EP300: variants seen among roughly 807,000 people sequenced by gnomAD.
EP300 encodes the protein histone acetyltransferase p300.
EP300 carries 31 observed loss-of-function variants against 264.0 expected under a neutral mutation model. That is an observed-to-expected ratio of 0.12 (90% confidence interval 0.09 to 0.16). The LOEUF is 0.16. Ranked by LOEUF, EP300 falls within the 10% of genes least tolerant of loss-of-function variation. The pLI is 1.00. For synonymous variants in EP300, 1,340 were observed against 1,045.4 expected, an observed-to-expected ratio of 1.28 and a Z score of -5.44; for missense variants, 2,766 against 3,052.9, an observed-to-expected ratio of 0.91 and a Z score of 2.21.
At chr22:41,095,608 C>T (rs2058698056) in intron 1 of EP300, among the ~76,000 whole-genome samples, 1 of 151,720 alleles carries the variant, frequency 6.6e-6, no homozygotes, top group Admixed American at 6.6e-5. Flanking sequence ...TTATTGGAGG[C>T]ACATCACCTC....
At chr22:41,119,004 C>CTT (rs972813377) in intron 2 of EP300, among the ~76,000 whole-genome samples, 2,168 of 130,928 alleles carry the variant, frequency 0.017, 60 homozygotes, top group African/African-American at 0.049. Flanking sequence ...CCCCCGCCAC[C>CTT]TTTTTTTTTT....
chr22:41,165,861 C>T (rs771634880), intron 22 of EP300, among the ~76,000 whole-genome samples: 16 of 152,290 alleles, frequency 1.1e-4, no homozygotes, highest in Middle Eastern at 3.4e-3. Flanking sequence ...CCTCCACCTC[C>T]TGGGTTCAGG....
chr22:41,139,054 A>T (rs1164343366), intron 8 of EP300, among the ~76,000 whole-genome samples: 5 of 151,998 alleles, frequency 3.3e-5, no homozygotes, highest in African/African-American at 1.2e-4. Context: ...CCTGGGTTCA[A>T]GCGTTTCTCC....
chr22:41,138,906 C>T (rs2145723847), intron 8 of EP300, among the ~76,000 whole-genome samples: 1 of 152,010 alleles, frequency 6.6e-6, no homozygotes, highest in East Asian at 1.9e-4. Context: ...TTTTTCCTCC[C>T]ACGAACCCAT....
intron 23 of EP300, among the ~76,000 whole-genome samples, chr22:41,167,576 GTGTGTGTGTATATATATATATATATA>G (rs1289485832): frequency 2.7e-4 from 8 of 29,536 alleles, no homozygotes; most frequent in African/African-American, 1.0e-3. Flanking sequence ...GTGTGTGTGT[GTGTGTGTGTATATATATATATATATA>G]TATATATATA....
intron 1 of EP300, among the ~76,000 whole-genome samples, chr22:41,111,778 G>A (rs2058791852): frequency 6.6e-6 from 1 of 151,326 alleles, no homozygotes; most frequent in Non-Finnish European, 1.5e-5. Flanking sequence ...GACCTCAGGT[G>A]AACGCCTGCC....
chr22:41,131,366 C>G, intron 5 of EP300, 22 bp from the exon 6 acceptor site: 7 of 1,611,936 alleles, frequency 4.3e-6, no homozygotes, highest in Non-Finnish European at 5.1e-6. Flanking sequence ...ATTTGTAATA[C>G]TATATCTTTT....
chr22:41,146,521 TAAAGG>T, intron 10 of EP300: 1 of 567,244 alleles, frequency 1.8e-6, no homozygotes, highest in South Asian at 2.0e-5. Context: ...CCCGGGCTCA[TAAAGG>T]AATACCAACA....
chr22:41,164,041 C>T lies in EP300; in HGVS notation c.3729-12C>T. The stretch of plus-strand genomic sequence containing the variant: ...TTTGGGGTTAATTTTGGAATTGGCT[C>T]TGCTCTTCCAGGTTTGTTGAATGTA... On this transcript the variant is annotated splice_polypyrimidine_tract_variant and intron_variant, in intron 21 of 30. Transcript: ENST00000263253. 6.2e-7 allele frequency: 1 copy of T among 1,613,738 alleles called. No homozygotes were observed. The highest frequency in any genetic ancestry group is 1.3e-5 in the African/African-American group (1 of 75,050).
At chr22:41,097,891 T>G (rs1285036565) in intron 1 of EP300, among the ~76,000 whole-genome samples, 3 of 152,078 alleles carry the variant, frequency 2.0e-5, no homozygotes, top group Non-Finnish European at 4.4e-5. Flanking sequence ...AGACGGGGTT[T>G]CACCATGTTG....
intron 2 of EP300, 92 bp from the exon 3 acceptor site, chr22:41,125,772 G>T: frequency 7.3e-7 from 1 of 1,375,476 alleles, no homozygotes; most frequent in South Asian, 1.3e-5. Context: ...CTTTGAAACT[G>T]TCTTTGTGAA....
chr22:41,156,521 G>A (rs906051869), intron 17 of EP300, among the ~76,000 whole-genome samples: 1 of 152,046 alleles, frequency 6.6e-6, no homozygotes, highest in Non-Finnish European at 1.5e-5. Context: ...AGGAGTTGGA[G>A]ACCAGCCTCA....
intron 2 of EP300, 128 bp downstream of exon 2, chr22:41,117,949 TAA>T: frequency 6.8e-7 from 1 of 1,463,264 alleles, no homozygotes. Flanking sequence ...TGTGCTGTCA[TAA>T]GTTTTAAGAA....
intron 23 of EP300, among the ~76,000 whole-genome samples, chr22:41,167,826 G>GGTTTTTTTTTTTTTTTT (rs2059148152): frequency 3.1e-5 from 1 of 32,174 alleles, no homozygotes; most frequent in African/African-American, 1.5e-4. Context: ...TTTTTTTTTT[G>GGTTTTTTTTTTTTTTTT]TTTTTTTTTT....
intron 1 of EP300, among the ~76,000 whole-genome samples, chr22:41,114,992 A>T (rs1159470499): frequency 6.6e-6 from 1 of 152,116 alleles, no homozygotes; most frequent in Non-Finnish European, 1.5e-5. Flanking sequence ...TTAGTAGACA[A>T]GGTCTCACAG....
rs2059103490 is a variant in EP300, at chr22:41,160,720, A to G, written c.3669A>G (p.Gln1223=). The G allele has an allele frequency of 6.2e-7, 1 of 1,613,814 alleles. No individual in the cohort carries two copies. Residue 1223 remains glutamine, a splice_region_variant and synonymous_variant, in exon 20 of 31, where the codon CAA becomes CAG. Coordinates refer to ENST00000263253, the MANE Select transcript of EP300 (RefSeq NM_001429.4). ...TGGGGGATGACCCTTCCCAGCCTCA[A>G]ACGTAAGTAACTGCATTATTTTGAA... is the stretch of plus-strand genomic sequence containing the variant. ...VSLGDDPSQP[Q]TTINKEQFSK... is the part of the protein sequence containing the mutation.
chr22:41,166,094 C>T (rs2059132801), intron 22 of EP300, among the ~76,000 whole-genome samples: 2 of 152,164 alleles, frequency 1.3e-5, no homozygotes, highest in Non-Finnish European at 2.9e-5. Context: ...TGGTCATAGA[C>T]ACTCATTTAT....
chr22:41,125,265 C>T (rs1361390075), intron 2 of EP300, among the ~76,000 whole-genome samples: 4 of 151,558 alleles, frequency 2.6e-5, no homozygotes, highest in Non-Finnish European at 5.9e-5. Flanking sequence ...ACTACAGGCG[C>T]CCGCCACCAC....
rs1167267185 is a variant in EP300 at position 41,166,639 on chromosome 22, A to G, written c.3847A>G (p.Arg1283Gly). ...DGCLKKSART[R>G]KENKFSAKRL... is the part of the protein sequence containing the mutation. ...CTGTTTAAAGAAAAGTGCACGAACT[A>G]GGAAAGAAAATAAGTTTTCTGCTAA... The change falls in exon 23 of 31, where the codon AGG becomes GGG. Residue 1283 changes from arginine to glycine, a missense_variant. Transcript: ENST00000263253. The G allele has an allele frequency of 1.2e-6, 2 of 1,612,414 alleles. No individual in the cohort carries two copies. Among genetic ancestry groups the G allele is most frequent in the South Asian group, 1.1e-5 (1 of 90,474 alleles).
Sources: gnomAD v4.1 joint callset for allele counts (sites outside exome capture counted in the v4.1 genomes callset) on GRCh38, gnomAD v4.1.1 for gene constraint, MANE v1.5 for transcripts, NCBI Gene and HGNC (gene_info 2026-07-23, HGNC 2026-07-21) for gene names.